Variants in PRMT3 observed in about 807,000 individuals in gnomAD.
The protein encoded by PRMT3 is protein arginine methyltransferase 3, also known as protein arginine N-methyltransferase 3.
Under a neutral mutation model 71.9 loss-of-function variants are expected in PRMT3, and 62 were observed. The ratio of observed to expected loss-of-function variants is 0.86; its 90% CI spans 0.70 to 1.07. PRMT3 has a LOEUF of 1.07. PRMT3 is among the 50% of genes least tolerant of loss of function. The pLI, the probability that PRMT3 is intolerant of heterozygous loss-of-function variation, is 0.00. For missense variants in PRMT3, 663 were observed against 643.0 expected (o/e 1.03, Z -0.34); for synonymous variants, 213 against 220.4 (o/e 0.97, Z 0.30).
At chr11:20,478,767 G>GA (rs1188017773) in intron 13 of PRMT3, among the ~76,000 whole-genome samples, 1 of 152,044 alleles carries the variant, frequency 6.6e-6, no homozygotes, top group East Asian at 1.9e-4. Flanking sequence ...AATGGCTTAA[G>GA]AAAAAACTTC....
At chr11:20,508,132 AGAGT>A (rs1202803693) in intron 15 of PRMT3, among the ~76,000 whole-genome samples, 168 bp from the exon 16 acceptor site, 1 of 141,770 alleles carries the variant, frequency 7.1e-6, no homozygotes, top group Non-Finnish European at 1.5e-5. Flanking sequence ...CCTGGGTGAC[AGAGT>A]GAGACTCCAT....
chr11:20,503,719 T>A (rs1048693814), intron 15 of PRMT3, among the ~76,000 whole-genome samples: 23 of 152,090 alleles, frequency 1.5e-4, no homozygotes, highest in African/African-American at 5.1e-4. Context: ...TTTACTTAGG[T>A]ATTCACCTGC....
intron 7 of PRMT3, among the ~76,000 whole-genome samples, chr11:20,399,940 AGT>A (rs1848913127): frequency 1.3e-5 from 2 of 152,346 alleles, no homozygotes; most frequent in East Asian, 3.9e-4. Context: ...GTTCTTGTGC[AGT>A]GTAATTTCCT....
At chr11:20,494,737 A>G (rs1460241874) in intron 15 of PRMT3, among the ~76,000 whole-genome samples, 2 of 152,244 alleles carry the variant, frequency 1.3e-5, no homozygotes, top group Non-Finnish European at 2.9e-5. Context: ...ATAATTTAAG[A>G]AAAATTTTTA....
intron 13 of PRMT3, among the ~76,000 whole-genome samples, chr11:20,486,684 G>A (rs1851080989): frequency 6.6e-6 from 1 of 152,130 alleles, no homozygotes. Flanking sequence ...AAATTGTAAT[G>A]ATGACATTAT....
chr11:20,429,108 G>C (rs1849604462), intron 10 of PRMT3, among the ~76,000 whole-genome samples: 1 of 152,098 alleles, frequency 6.6e-6, no homozygotes, highest in Non-Finnish European at 1.5e-5. Flanking sequence ...CCTAGTTTGT[G>C]CTTGTAACTC....
chr11:20,474,881 A>G (rs1300685633), intron 13 of PRMT3, among the ~76,000 whole-genome samples: 2 of 152,236 alleles, frequency 1.3e-5, no homozygotes, highest in Admixed American at 6.5e-5. Flanking sequence ...TCTTGTTTCC[A>G]TTGGCTGGAG....
chr11:20,493,990 C>T (rs771319353), intron 14 of PRMT3, 21 bp downstream of exon 14: 2 of 1,538,450 alleles, frequency 1.3e-6, no homozygotes, highest in South Asian at 2.3e-5. Flanking sequence ...TGAATTATCT[C>T]ATAAGAATTA....
chr11:20,488,779 A>G (rs894752), intron 13 of PRMT3, among the ~76,000 whole-genome samples: 3,166 of 152,272 alleles, frequency 0.021, 110 homozygotes, highest in African/African-American at 0.071. Flanking sequence ...CATCACACTA[A>G]AATACCTGAG....
intron 10 of PRMT3, among the ~76,000 whole-genome samples, chr11:20,441,788 G>GTT (rs61553968): frequency 1.3e-3 from 157 of 118,466 alleles, no homozygotes; most frequent in African/African-American, 3.1e-3. Context: ...ATAGTTTCAG[G>GTT]TTTTTTTTTT....
chr11:20,453,790 G>A (rs1306116283), intron 11 of PRMT3, among the ~76,000 whole-genome samples: 2 of 152,016 alleles, frequency 1.3e-5, no homozygotes, highest in Non-Finnish European at 2.9e-5. Context: ...GGGACCTGCA[G>A]TGTTTCAGAT....
At chr11:20,434,155 G>T (rs1205509871) in intron 10 of PRMT3, among the ~76,000 whole-genome samples, 3 of 152,076 alleles carry the variant, frequency 2.0e-5, no homozygotes, top group East Asian at 1.9e-4. Context: ...TCATATGCTT[G>T]TTGGCCACAT....
chr11:20,395,869 C>A lies in PRMT3; in HGVS notation c.467C>A (p.Thr156Lys), dbSNP rs779815192. ...FSYPNGLSEN[T>K]SVVEKLKHME... Reference sequence around the variant, plus strand: ...TACCCCAATGGACTCAGTGAAAATACATCTGTTGTTGAAAAATTGAAACAT... The same window carrying A: ...TACCCCAATGGACTCAGTGAAAATAAATCTGTTGTTGAAAAATTGAAACAT... Residue 156 changes from threonine (T) to lysine (K), a missense_variant, in exon 6 of 16, where the codon ACA becomes AAA. Transcript: ENST00000331079. 6.2e-7 allele frequency: 1 copy of A among 1,614,034 alleles called. No homozygotes were observed. The highest frequency in any genetic ancestry group is 8.5e-7 in the Non-Finnish European group (1 of 1,179,976).
chr11:20,423,064 TA>T (rs1849462060), intron 9 of PRMT3, among the ~76,000 whole-genome samples: 1 of 152,210 alleles, frequency 6.6e-6, no homozygotes, highest in African/African-American at 2.4e-5. Flanking sequence ...CCCTGTATTT[TA>T]AAAATTATTT....
intron 9 of PRMT3, among the ~76,000 whole-genome samples, chr11:20,409,958 T>C (rs1849159892): frequency 6.6e-6 from 1 of 152,172 alleles, no homozygotes; most frequent in Non-Finnish European, 1.5e-5. Context: ...TCTAGTCTTA[T>C]GAAAGCTATT....
chr11:20,484,943 G>T (rs1298580499), intron 13 of PRMT3, among the ~76,000 whole-genome samples: 2 of 152,196 alleles, frequency 1.3e-5, no homozygotes, highest in Non-Finnish European at 2.9e-5. Context: ...AACAATTGGG[G>T]CTGCTTTTGC....
chr11:20,504,589 C>G (rs1030925144), intron 15 of PRMT3, among the ~76,000 whole-genome samples: 3 of 152,112 alleles, frequency 2.0e-5, no homozygotes, highest in African/African-American at 4.8e-5. Context: ...CTTTCACTCA[C>G]GAGAGAGTGG....
chr11:20,423,255 C>T (rs1381826617), intron 9 of PRMT3, among the ~76,000 whole-genome samples: 2 of 152,106 alleles, frequency 1.3e-5, no homozygotes, highest in Admixed American at 6.5e-5. Flanking sequence ...CTTCATTGTA[C>T]ATTTATGTCA....
intron 13 of PRMT3, among the ~76,000 whole-genome samples, chr11:20,485,689 G>T (rs186712746): frequency 1.3e-5 from 2 of 152,210 alleles, no homozygotes; most frequent in African/African-American, 4.8e-5. Context: ...AAGAAATAAC[G>T]TAGATACAAG....
Sources: gnomAD v4.1 joint callset for allele counts (sites outside exome capture counted in the v4.1 genomes callset) on GRCh38, gnomAD v4.1.1 for gene constraint, MANE v1.5 for transcripts, NCBI Gene and HGNC (gene_info 2026-07-23, HGNC 2026-07-21) for gene names.